NBPF26: variants seen among roughly 807,000 people sequenced by gnomAD.
The protein encoded by NBPF26 is NBPF family member NBPF26.
A neutral mutation model predicts 119.6 loss-of-function variants in NBPF26; 79 were observed. The observed-to-expected ratio is 0.66, with a 90% CI of 0.55 to 0.80. NBPF26 has a LOEUF of 0.80. Ranked by LOEUF, NBPF26 falls within the 30% of genes least tolerant of loss-of-function variation. The pLI, the probability that NBPF26 is intolerant of heterozygous loss-of-function variation, is 0.00. For missense variants in NBPF26, 800 were observed against 1,198.2 expected, an observed-to-expected ratio of 0.67 and a Z score of 4.91; for synonymous variants, 299 against 457.7, an observed-to-expected ratio of 0.65 and a Z score of 4.43.
At chr1:120,769,641 T>A (rs1354949125) in intron 2 of NBPF26, among the ~76,000 whole-genome samples, 1 of 121,534 alleles carries the variant, frequency 8.2e-6, no homozygotes, top group Admixed American at 7.8e-5. Flanking sequence ...TGTGTTCAGG[T>A]TTTATTAATT....
At chr1:120,798,629 C>CTTTTT (rs1355268196) in intron 4 of NBPF26, among the ~76,000 whole-genome samples, 3 of 29,352 alleles carry the variant, frequency 1.0e-4, no homozygotes, top group South Asian at 7.2e-4. Flanking sequence ...CTTTTCTTTT[C>CTTTTT]TTTTTTTTTT....
At chr1:120,838,718 A>T in intron 27 of NBPF26, 27 bp from the exon 34 acceptor site, 1 of 39,172 alleles carries the variant, frequency 2.6e-5, no homozygotes, top group South Asian at 1.4e-4. Context: ...CCCCTGGCTT[A>T]TTCTTTACTT....
chr1:120,763,719 T>G lies in NBPF26; in HGVS notation c.155+10T>G. ...GCACAGGATACTGCAAGTAAGTTTT[T>G]CTCTTCATATATTTTCTTTTTGCGA... is the stretch of plus-strand genomic sequence containing the variant. On this transcript the variant is annotated intron_variant, in intron 2 of 29. Coordinates refer to ENST00000620612, the Ensembl canonical transcript of NBPF26. The G allele has an allele frequency of 8.3e-7, 1 of 1,207,206 alleles. No homozygotes were observed. The highest frequency in any genetic ancestry group is 1.9e-4 in the Middle Eastern group (1 of 5,230). 74.8% of individuals were successfully genotyped at this position (1,207,206 alleles called of 1,614,324 possible).
chr1:120,840,876 A>T, downstream of NBPF26: 4 of 482,556 alleles, frequency 8.3e-6, no homozygotes, highest in Non-Finnish European at 1.4e-5. Context: ...TAGCTACAAA[A>T]TTCCTCAGGG....
intron 15 of NBPF26, among the ~76,000 whole-genome samples, chr1:120,820,410 C>T (rs1191622850): frequency 5.1e-5 from 2 of 39,374 alleles, no homozygotes; most frequent in African/African-American, 2.2e-4. Context: ...CTAACCTGCA[C>T]GTTGTGCACA....
intron 1 of NBPF26, among the ~76,000 whole-genome samples, chr1:120,729,040 G>A (rs1454650695): frequency 1.7e-5 from 2 of 115,942 alleles, no homozygotes; most frequent in Non-Finnish European, 3.3e-5. Context: ...GCAGGTCTTA[G>A]TCACAGCATC....
intron 29 of NBPF26, among the ~76,000 whole-genome samples, chr1:120,840,143 GTC>G (rs1268573515): frequency 1.8e-5 from 1 of 56,764 alleles, no homozygotes; most frequent in Non-Finnish European, 3.0e-5. Flanking sequence ...CTCTGTCTCT[GTC>G]TCTCTCTCTG....
In NBPF26 at chr1:120,812,088, C is replaced by T; in HGVS notation, c.1767C>T (p.Asn589=). ...CCGGCTTCCTGGCCAACCAGCAGAACAAATACAGTAAGATCTATTGGCTCA... is the reference window on the plus strand; with the variant it reads ...CCGGCTTCCTGGCCAACCAGCAGAATAAATACAGTAAGATCTATTGGCTCA... Residue 589 remains asparagine, a synonymous_variant, in exon 10 of 30, where the codon AAC becomes AAT. Coordinates refer to ENST00000620612, the Ensembl canonical transcript of NBPF26. The T allele has an allele frequency of 1.7e-6, 2 of 1,146,482 alleles. 1 individual carries two copies. The highest frequency in any genetic ancestry group is 2.4e-6 in the Non-Finnish European group (2 of 818,426). The allele number at this position is 1,146,482 out of a possible 1,614,324, so 71.0% of individuals were successfully genotyped here. A position where few individuals can be genotyped will look rare whatever the true frequency, so the allele number is the denominator to read the frequency against.
At chr1:120,763,745 T>G in intron 2 of NBPF26, 36 bp downstream of exon 2, 1 of 832,866 alleles carries the variant, frequency 1.2e-6, no homozygotes, top group Non-Finnish European at 1.9e-6. Context: ...CTTTTTGCGA[T>G]AGAACACTGG....
intron 15 of NBPF26, among the ~76,000 whole-genome samples, chr1:120,820,447 A>AATATATATATATATATAT (rs1229895629): frequency 9.2e-5 from 1 of 10,836 alleles, no homozygotes; most frequent in Non-Finnish European, 1.6e-4. Context: ...AAGTATTAAA[A>AATATATATATATATATAT]ATATATATAT....
rs1332160297 is a variant in NBPF26 at position 120,815,170 on chromosome 1, T to A, written c.2092+127T>A. ...CCACTAAGCTTATGTGGCCATGACA[T>A]GACCAGGACTTCTTGGGTAAGAACA... is the stretch of plus-strand genomic sequence containing the variant. On this transcript the variant is annotated intron_variant, in intron 12 of 29. Coordinates refer to ENST00000620612, the Ensembl canonical transcript of NBPF26. The A allele has an allele frequency of 2.4e-5, 19 of 787,934 alleles. 3 individuals are homozygous for A. The highest frequency in any genetic ancestry group is 3.6e-5 in the Non-Finnish European group (18 of 506,230). 48.8% of individuals were successfully genotyped at this position (787,934 alleles called of 1,614,324 possible).
At chr1:120,817,631 A>G (rs1429481028) in intron 14 of NBPF26, among the ~76,000 whole-genome samples, 7 of 71,336 alleles carry the variant, frequency 9.8e-5, no homozygotes, top group East Asian at 2.9e-4. Context: ...GTTTCCCCAT[A>G]TTGGCCAGGG....
chr1:120,806,218 G>C (rs2101491331), intron 5 of NBPF26, among the ~76,000 whole-genome samples: 1 of 124,022 alleles, frequency 8.1e-6, no homozygotes, highest in East Asian at 2.0e-4. Flanking sequence ...CTTGGTGATA[G>C]TACCCAGTAC....
intron 5 of NBPF26, among the ~76,000 whole-genome samples, chr1:120,806,837 G>A (rs1553270148): frequency 8.3e-6 from 1 of 120,640 alleles, no homozygotes; most frequent in Non-Finnish European, 1.7e-5. Flanking sequence ...TGTTCAGAGG[G>A]TACTACAATA....
Position 120,793,084 on chromosome 1 carries a change from G to A in NBPF26, c.416-77G>A, listed in dbSNP as rs1651511190. ...GGTCTTCTCCACGCAAGAGCTCGCT[G>A]ATGTCAATGAGGTATTGAGGATGGG... On this transcript the variant is annotated intron_variant, in intron 3 of 29. Transcript: ENST00000620612. 1.3e-5 allele frequency: 9 copies of A among 668,422 alleles called. 2 individuals carry two copies. The highest frequency in any genetic ancestry group is 2.0e-5 in the Non-Finnish European group (8 of 403,648). The allele number at this position is 668,422 out of a possible 1,614,324, so 41.4% of individuals were successfully genotyped here. A position where few individuals can be genotyped will look rare whatever the true frequency, so the allele number is the denominator to read the frequency against.
At chr1:120,729,542 G>A (rs1156457536) in intron 1 of NBPF26, among the ~76,000 whole-genome samples, 77 of 112,268 alleles carry the variant, frequency 6.9e-4, no homozygotes, top group Middle Eastern at 3.8e-3. Context: ...ATGCTTGTCT[G>A]TAGACTTTAC....
rs1427741755 is a variant in NBPF26, at chr1:120,806,025, AC to A, written c.961+262del. The stretch of plus-strand genomic sequence containing the variant: ...TGATTTCTAACACAGGCACAGAATG[AC>A]CTGTTTTCTCCAAGGGGCTCAATCA... On this transcript the variant is annotated intron_variant, in intron 5 of 29. Transcript: ENST00000620612. Among the ~76,000 whole-genome samples the A allele has an allele frequency of 3.7e-5, 4 of 108,054 alleles. 1 individual carries two copies. The South Asian group carries it at 1.1e-3, about 30-fold the overall frequency. 70.9% of individuals were successfully genotyped at this position (108,054 alleles called of 152,430 possible).
rs1482994437 is a variant in NBPF26, at chr1:120,794,365, A to G, written c.751+869A>G. 5.4e-5 allele frequency among the ~76,000 whole-genome samples: 6 copies of G among 111,918 alleles called. 2 individuals are homozygous for G. The highest frequency in any genetic ancestry group is 3.5e-4 in the Admixed American group (4 of 11,456). The allele number at this position is 111,918 out of a possible 152,430, so 73.4% of individuals were successfully genotyped here. ...CAAGAATTTTGATTGGGAACAGAAT[A>G]CAAGCAGCTGAAGCAGATGAATTAC... On this transcript the variant is annotated intron_variant, in intron 4 of 29. Transcript: ENST00000620612.
rs1290116106 is a variant in NBPF26 at position 120,813,114 on chromosome 1, C to T, written c.1775-777C>T. Among the ~76,000 whole-genome samples, 2 of 119,230 alleles carry T rather than the reference C, an allele frequency of 1.7e-5. 1 individual carries two copies. Among genetic ancestry groups the T allele is most frequent in the African/African-American group, 9.0e-5 (2 of 22,262 alleles). The allele number at this position is 119,230 out of a possible 152,430, so 78.2% of individuals were successfully genotyped here. A position where few individuals can be genotyped will look rare whatever the true frequency, so the allele number is the denominator to read the frequency against. ...TACAGAGCAGGGACCGTGGGCCTGT[C>T]TCCTGGGCTCCATCCAAGTTGCTTG... is the stretch of plus-strand genomic sequence containing the variant. On this transcript the variant is annotated intron_variant, in intron 10 of 29. Transcript: ENST00000620612.
Sources: allele counts gnomAD v4.1 joint callset (sites outside exome capture counted in the v4.1 genomes callset), GRCh38; gene constraint gnomAD v4.1.1; transcripts MANE v1.5; gene names NCBI Gene and HGNC (gene_info 2026-07-23, HGNC 2026-07-21).